CDK14: variants seen among roughly 807,000 people sequenced by gnomAD.
CDK14 encodes the protein cyclin dependent kinase 14.
A neutral mutation model predicts 60.7 loss-of-function variants in CDK14; 34 were observed. The ratio of observed to expected loss-of-function variants is 0.56; its 90% CI spans 0.43 to 0.75. CDK14 has a LOEUF of 0.75. CDK14 is among the 30% of genes least tolerant of loss of function. The pLI, the probability that CDK14 is intolerant of heterozygous loss-of-function variation, is 0.00. For synonymous variants in CDK14, 197 were observed against 203.7 expected, an observed-to-expected ratio of 0.97 and a Z score of 0.28; for missense variants, 482 against 564.1, an observed-to-expected ratio of 0.85 and a Z score of 1.47.
At chr7:91,196,760 C>T (rs1430468905) in intron 14 of CDK14, among the ~76,000 whole-genome samples, 1 of 152,206 alleles carries the variant, frequency 6.6e-6, no homozygotes, top group African/African-American at 2.4e-5. Context: ...ATCACAGAGT[C>T]AAGACTGTGT....
At chr7:90,649,297 T>C (rs4015350) in intron 2 of CDK14, among the ~76,000 whole-genome samples, 54 of 69,324 alleles carry the variant, frequency 7.8e-4, no homozygotes, top group African/African-American at 1.2e-3. Flanking sequence ...TCTTTCTTTC[T>C]TTCTTTCTTT....
Position 90,597,833 on chromosome 7 carries a change from G to GTTTT in CDK14, c.91+1129_91+1132dup, listed in dbSNP as rs11351927. On this transcript the variant is annotated intron_variant, in intron 1 of 14. Coordinates refer to ENST00000380050, the MANE Select transcript of CDK14 (RefSeq NM_001287135.2). The stretch of plus-strand genomic sequence containing the variant: ...GTACAATGGATCGAAATTTAGCCAA[G>GTTTT]TTTTTTTTTTTTTTTTTGTCTTTCG... Among the ~76,000 whole-genome samples the GTTTT allele has an allele frequency of 6.7e-4, 93 of 138,616 alleles. 1 individual carries two copies. Among genetic ancestry groups the GTTTT allele is most frequent in the African/African-American group, 2.3e-3 (85 of 37,478 alleles). The allele number at this position is 138,616 out of a possible 152,430, so 90.9% of individuals were successfully genotyped here. A position where few individuals can be genotyped will look rare whatever the true frequency, so the allele number is the denominator to read the frequency against.
At chr7:90,858,030 T>C (rs569942395) in intron 5 of CDK14, among the ~76,000 whole-genome samples, 1 of 152,212 alleles carries the variant, frequency 6.6e-6, no homozygotes, top group Non-Finnish European at 1.5e-5. Context: ...AATTCAGATG[T>C]TGGTATTTAT....
At chr7:91,111,276 T>A (rs950764233) in intron 12 of CDK14, among the ~76,000 whole-genome samples, 4 of 152,152 alleles carry the variant, frequency 2.6e-5, no homozygotes, top group Non-Finnish European at 4.4e-5. Context: ...CAATTTGAAA[T>A]AAATACTAAA....
At chr7:90,717,428 C>T (rs1365405689) in intron 2 of CDK14, among the ~76,000 whole-genome samples, 3 of 152,030 alleles carry the variant, frequency 2.0e-5, no homozygotes, top group African/African-American at 7.2e-5. Flanking sequence ...TGTAACAAAA[C>T]TACAGTCACT....
chr7:91,077,124 G>A (rs183178547), intron 11 of CDK14, among the ~76,000 whole-genome samples: 19 of 152,276 alleles, frequency 1.2e-4, no homozygotes, highest in Admixed American at 2.6e-4. Flanking sequence ...AATACCATTT[G>A]ACCCAGCAAT....
In CDK14 at chr7:90,726,762, T is replaced by G; in HGVS notation, c.319T>G (p.Ser107Ala). The G allele has an allele frequency of 6.2e-7, 1 of 1,613,712 alleles. No individual in the cohort carries two copies. Among genetic ancestry groups the G allele is most frequent in the Non-Finnish European group, 8.5e-7 (1 of 1,179,802 alleles). The change falls in exon 3 of 15, where the codon TCC becomes GCC. Residue 107 changes from serine to alanine, a missense_variant. Coordinates refer to ENST00000380050, the MANE Select transcript of CDK14 (RefSeq NM_001287135.2). ...TGCTTGCATTAACTTTAAGACCTCCTCCACTGGCAAAGAGTCACCTAAAGT... is the reference window on the plus strand; with the variant it reads ...TGCTTGCATTAACTTTAAGACCTCCGCCACTGGCAAAGAGTCACCTAAAGT... ...NNACINFKTS[S>A]TGKESPKVRR...
chr7:90,861,506 T>G (rs943611610), intron 5 of CDK14, among the ~76,000 whole-genome samples: 7 of 152,060 alleles, frequency 4.6e-5, no homozygotes, highest in Admixed American at 4.6e-4. Context: ...AAGACAAAAC[T>G]GGGATGCTGT....
Position 90,955,749 on chromosome 7 carries a change from T to C in CDK14, c.879T>C (p.Val293=), listed in dbSNP as rs1219711834. Residue 293 remains valine (V), a synonymous_variant, in exon 9 of 15, where the codon GTT becomes GTC. Transcript: ENST00000380050. The part of the protein sequence containing the change: ...VPSHTYSNEV[V]TLWYRPPDVL... ...GCCACACATACTCCAACGAAGTGGT[T>C]ACCTTGTGGTACAGACCTCCAGATG... The C allele has an allele frequency of 6.2e-7, 1 of 1,612,200 alleles. No homozygotes were observed. The highest frequency in any genetic ancestry group is 1.7e-5 in the Admixed American group (1 of 59,976).
chr7:90,638,854 T>C (rs1800235267), intron 2 of CDK14, among the ~76,000 whole-genome samples: 1 of 151,548 alleles, frequency 6.6e-6, no homozygotes, highest in Non-Finnish European at 1.5e-5. Context: ...TTCTCTAAAC[T>C]TCCCTTCTCG....
At chr7:91,065,666 A>G (rs1291502833) in intron 11 of CDK14, among the ~76,000 whole-genome samples, 1 of 152,210 alleles carries the variant, frequency 6.6e-6, no homozygotes, top group Non-Finnish European at 1.5e-5. Flanking sequence ...ATTCTTGTGA[A>G]TACTTGTGAG....
intron 6 of CDK14, among the ~76,000 whole-genome samples, chr7:90,880,935 G>A (rs1488888693): frequency 6.6e-6 from 1 of 152,168 alleles, no homozygotes; most frequent in African/African-American, 2.4e-5. Flanking sequence ...CCCCATTCAA[G>A]GTTCAGCAGC....
chr7:91,148,014 T>A (rs144907314), intron 14 of CDK14, among the ~76,000 whole-genome samples: 10 of 152,306 alleles, frequency 6.6e-5, no homozygotes, highest in African/African-American at 2.4e-4. Flanking sequence ...TCAATAGCTA[T>A]CTCTGGCTTC....
intron 7 of CDK14, among the ~76,000 whole-genome samples, chr7:90,913,578 G>A (rs1385829162): frequency 1.3e-5 from 2 of 152,206 alleles, no homozygotes; most frequent in Admixed American, 6.5e-5. Context: ...GGGAAATGGG[G>A]ATGTATGAAT....
At chr7:90,598,860 A>T (rs1030305173) in intron 1 of CDK14, among the ~76,000 whole-genome samples, 1 of 149,748 alleles carries the variant, frequency 6.7e-6, no homozygotes, top group Admixed American at 6.7e-5. Flanking sequence ...GCCCGCCACT[A>T]CGCCTGGCTA....
intron 14 of CDK14, among the ~76,000 whole-genome samples, chr7:91,206,011 G>A (rs1328876407): frequency 6.6e-6 from 1 of 152,112 alleles, no homozygotes; most frequent in Non-Finnish European, 1.5e-5. Context: ...GGCCAGGATG[G>A]TCTCCATCTC....
chr7:90,985,269 C>A (rs1265567115), intron 10 of CDK14, among the ~76,000 whole-genome samples: 6 of 152,240 alleles, frequency 3.9e-5, no homozygotes, highest in Middle Eastern at 3.4e-3. Context: ...CATGTTTTAG[C>A]CATGGGACTT....
At chr7:91,197,419 A>G (rs932046102) in intron 14 of CDK14, among the ~76,000 whole-genome samples, 4 of 142,748 alleles carry the variant, frequency 2.8e-5, no homozygotes, top group African/African-American at 1.0e-4. Context: ...AAAAAAAAAA[A>G]GTCCCAAATC....
intron 4 of CDK14, among the ~76,000 whole-genome samples, chr7:90,755,777 G>A (rs1348944307): frequency 6.6e-6 from 1 of 152,098 alleles, no homozygotes; most frequent in Non-Finnish European, 1.5e-5. Context: ...AATTTTAATA[G>A]GGGTTGTGCC....
Sources: gnomAD v4.1 joint callset for allele counts (sites outside exome capture counted in the v4.1 genomes callset) on GRCh38, gnomAD v4.1.1 for gene constraint, MANE v1.5 for transcripts, NCBI Gene and HGNC (gene_info 2026-07-23, HGNC 2026-07-21) for gene names.